CNTN5: variants seen among roughly 807,000 people sequenced by gnomAD.
CNTN5 encodes the protein contactin 5, also known as contactin-5.
Under a neutral mutation model 129.1 loss-of-function variants are expected in CNTN5, and 77 were observed. The ratio of observed to expected loss-of-function variants is 0.60; its 90% CI spans 0.50 to 0.72. CNTN5 has a LOEUF of 0.72. Among genes scored for constraint, CNTN5 ranks in the 30% least tolerant of loss-of-function variants. The pLI is 0.00. For missense variants in CNTN5, 1,478 were observed against 1,328.8 expected (o/e 1.11, Z -1.75); for synonymous variants, 509 against 465.6 (o/e 1.09, Z -1.20).
At position 99,844,950 on chromosome 11, in the gene CNTN5, C is replaced by A; in HGVS notation, c.376C>A (p.Arg126Ser). 1 of 1,613,436 alleles carries A rather than the reference C, an allele frequency of 6.2e-7. No individual in the cohort carries two copies. Among genetic ancestry groups the A allele is most frequent in the Non-Finnish European group, 8.5e-7 (1 of 1,179,718 alleles). Residue 126 changes from arginine (R) to serine (S), a missense_variant, in exon 5 of 25, where the codon CGT becomes AGT. Physicochemically the swap from Arg to Ser is moderately radical, Grantham distance 110 (BLOSUM62 -1). Coordinates refer to ENST00000524871, the MANE Select transcript of CNTN5 (RefSeq NM_014361.4). ...EKKVALNCEVRGNPVPSYRWL... is the reference protein window; with the variant it reads ...EKKVALNCEVSGNPVPSYRWL... ...GAAGGTAGCATTGAATTGTGAAGTT[C>A]GTGGCAATCCAGTTCCCAGTTACAG...
chr11:99,161,205 T>C (rs929863670), intron 1 of CNTN5, among the ~76,000 whole-genome samples: 21 of 152,158 alleles, frequency 1.4e-4, no homozygotes, highest in African/African-American at 4.3e-4. Flanking sequence ...GGAAGCATGA[T>C]TATAAAAAAT....
intron 3 of CNTN5, among the ~76,000 whole-genome samples, chr11:99,796,377 A>T (rs1260601843): frequency 2.0e-5 from 3 of 151,922 alleles, no homozygotes; most frequent in Non-Finnish European, 4.4e-5. Context: ...ACCTGTATGC[A>T]TGTGTGCTGG....
chr11:99,608,845 T>C (rs1950512080), intron 3 of CNTN5, among the ~76,000 whole-genome samples: 2 of 152,290 alleles, frequency 1.3e-5, no homozygotes, highest in Admixed American at 6.5e-5. Flanking sequence ...TCTATATGAG[T>C]TCTAAGTCTC....
intron 8 of CNTN5, among the ~76,000 whole-genome samples, chr11:99,996,199 T>G (rs571077459): frequency 1.3e-4 from 20 of 152,246 alleles, no homozygotes; most frequent in African/African-American, 4.1e-4. Context: ...ATTAATTGGT[T>G]TTTCCCATCT....
Position 99,916,082 on chromosome 11 carries a change from A to C in CNTN5, c.606A>C (p.Arg202Ser). The C allele has an allele frequency of 6.2e-7, 1 of 1,612,448 alleles. No individual in the cohort carries two copies. Among genetic ancestry groups the C allele is most frequent in the Non-Finnish European group, 8.5e-7 (1 of 1,179,218 alleles). The change falls in exon 7 of 25, where the codon AGA becomes AGC. Residue 202 changes from arginine to serine, a missense_variant. Transcript: ENST00000524871. ...TGGGAAATTTTAGTGGCCGGACAAG[A>C]AGTGCAGTCTCTGTGAGGGAAGGCC... ...AYLGNFSGRT[R>S]SAVSVREGQG... is the part of the protein sequence containing the mutation.
chr11:100,032,800 G>T (rs1028385108), intron 9 of CNTN5, among the ~76,000 whole-genome samples: 13 of 151,970 alleles, frequency 8.6e-5, no homozygotes, highest in African/African-American at 2.9e-4. Context: ...ATAAAAATAG[G>T]TATAATCAGT....
chr11:99,073,903 G>T (rs1591146877), intron 1 of CNTN5, among the ~76,000 whole-genome samples: 1 of 150,282 alleles, frequency 6.7e-6, no homozygotes, highest in Non-Finnish European at 1.5e-5. Flanking sequence ...TAATGGGATT[G>T]CTGGGTCAAA....
intron 2 of CNTN5, among the ~76,000 whole-genome samples, chr11:99,386,492 C>A (rs571539496): frequency 3.1e-4 from 47 of 151,982 alleles, no homozygotes; most frequent in Non-Finnish European, 6.5e-4. Flanking sequence ...TGTCGTGACA[C>A]CGGTGGGAGT....
intron 3 of CNTN5, among the ~76,000 whole-genome samples, chr11:99,566,084 C>T (rs898379268): frequency 6.6e-6 from 1 of 152,094 alleles, no homozygotes; most frequent in African/African-American, 2.4e-5. Context: ...ATGTAATCCC[C>T]CATTTTGGAG....
intron 21 of CNTN5, among the ~76,000 whole-genome samples, chr11:100,319,388 G>C (rs1309443563): frequency 6.6e-6 from 1 of 151,832 alleles, no homozygotes; most frequent in Non-Finnish European, 1.5e-5. Context: ...CCTGACCTCA[G>C]GTGATCCACC....
intron 13 of CNTN5, among the ~76,000 whole-genome samples, chr11:100,110,149 T>C (rs559424022): frequency 1.3e-5 from 2 of 148,932 alleles, no homozygotes; most frequent in South Asian, 4.2e-4. Context: ...ATGGCGCCAC[T>C]GTACTCCATC....
intron 2 of CNTN5, among the ~76,000 whole-genome samples, chr11:99,330,719 C>A (rs1865966462): frequency 6.6e-6 from 1 of 152,068 alleles, no homozygotes. Flanking sequence ...GTGCTAATTG[C>A]TGGTAGTTAT....
At chr11:99,335,338 T>G (rs543795689) in intron 2 of CNTN5, among the ~76,000 whole-genome samples, 28 of 152,240 alleles carry the variant, frequency 1.8e-4, no homozygotes, top group African/African-American at 6.5e-4. Flanking sequence ...ATCCTGCTTA[T>G]GAAAACATAA....
intron 1 of CNTN5, among the ~76,000 whole-genome samples, chr11:99,090,150 T>C (rs1322750991): frequency 6.6e-6 from 1 of 152,238 alleles, no homozygotes; most frequent in Non-Finnish European, 1.5e-5. Flanking sequence ...AAATATTTTG[T>C]TCATTCATAT....
intron 2 of CNTN5, among the ~76,000 whole-genome samples, chr11:99,514,489 G>A (rs77407822): frequency 0.022 from 3,286 of 151,910 alleles, 135 homozygotes; most frequent in African/African-American, 0.073. Flanking sequence ...CACTGAAATG[G>A]AAAACTTCTT....
At chr11:100,028,121 A>G (rs545318485) in intron 9 of CNTN5, among the ~76,000 whole-genome samples, 1 of 152,310 alleles carries the variant, frequency 6.6e-6, no homozygotes, top group African/African-American at 2.4e-5. Flanking sequence ...TCTTTGACAG[A>G]ATCCTTTCTC....
intron 2 of CNTN5, among the ~76,000 whole-genome samples, chr11:99,525,422 G>A (rs1283866034): frequency 3.3e-5 from 5 of 152,142 alleles, no homozygotes; most frequent in African/African-American, 1.2e-4. Flanking sequence ...TACTTCTAGT[G>A]CACAGATGAA....
At chr11:99,157,379 T>C (rs1860386967) in intron 1 of CNTN5, among the ~76,000 whole-genome samples, 1 of 152,094 alleles carries the variant, frequency 6.6e-6, no homozygotes, top group South Asian at 2.1e-4. Flanking sequence ...ATTTATATTT[T>C]CCAGTAATTG....
intron 1 of CNTN5, among the ~76,000 whole-genome samples, chr11:99,106,903 C>A (rs1867023799): frequency 6.6e-6 from 1 of 151,994 alleles, no homozygotes; most frequent in Non-Finnish European, 1.5e-5. Context: ...AAGAAAACCA[C>A]AATATCATAT....
Sources: allele counts gnomAD v4.1 joint callset (sites outside exome capture counted in the v4.1 genomes callset), GRCh38; gene constraint gnomAD v4.1.1; transcripts MANE v1.5; gene names NCBI Gene and HGNC (gene_info 2026-07-23, HGNC 2026-07-21).